CATSPERE: variants seen among roughly 807,000 people sequenced by gnomAD.
CATSPERE encodes the protein cation channel sperm-associated auxiliary subunit epsilon.
CATSPERE carries 93 observed loss-of-function variants against 114.1 expected under a neutral mutation model. That is an observed-to-expected ratio of 0.81 (90% confidence interval 0.69 to 0.97). The LOEUF (loss-of-function observed/expected upper bound fraction) is 0.97, where lower values mean the gene tolerates loss of function less well. Ranked by LOEUF, CATSPERE falls within the 50% of genes least tolerant of loss-of-function variation. The pLI, the probability that CATSPERE is intolerant of heterozygous loss-of-function variation, is 0.00. For synonymous variants in CATSPERE, 341 were observed against 384.1 expected, an observed-to-expected ratio of 0.89 and a Z score of 1.31; for missense variants, 1,058 against 1,131.6, an observed-to-expected ratio of 0.93 and a Z score of 0.93.
upstream of CATSPERE, among the ~76,000 whole-genome samples, chr1:244,453,580 A>G (rs1213344025): frequency 6.6e-6 from 1 of 152,170 alleles, no homozygotes; most frequent in Non-Finnish European, 1.5e-5. Flanking sequence ...ATGGATCCAG[A>G]AGCCTGCCCA....
chr1:244,500,652 T>C (rs190039555), intron 7 of CATSPERE, among the ~76,000 whole-genome samples: 1 of 152,324 alleles, frequency 6.6e-6, no homozygotes, highest in African/African-American at 2.4e-5. Context: ...ATCAGATGGT[T>C]GTAAATGTGT....
At chr1:244,581,073 C>G (rs1666103631) in intron 11 of CATSPERE, among the ~76,000 whole-genome samples, 2 of 151,982 alleles carry the variant, frequency 1.3e-5, no homozygotes, top group South Asian at 4.1e-4. Context: ...ATATGCATCA[C>G]TAAGTAATAT....
intron 11 of CATSPERE, among the ~76,000 whole-genome samples, chr1:244,578,647 C>T (rs954818198): frequency 6.6e-6 from 1 of 151,058 alleles, no homozygotes; most frequent in Non-Finnish European, 1.5e-5. Flanking sequence ...AGACCTCAGT[C>T]TACAGCTATA....
chr1:244,545,458 C>G (rs922541039), intron 8 of CATSPERE, among the ~76,000 whole-genome samples: 4 of 152,214 alleles, frequency 2.6e-5, no homozygotes, highest in Admixed American at 2.6e-4. Flanking sequence ...GCAGACTGCT[C>G]TGCCACTTGG....
Position 244,640,186 on chromosome 1 carries a change from C to CTAG in CATSPERE, c.*106_*107insAGT. 1 of 678,426 alleles carries CTAG rather than the reference C, an allele frequency of 1.5e-6. No individual in the cohort carries two copies. The highest frequency in any genetic ancestry group is 2.2e-6 in the Non-Finnish European group (1 of 452,228). The allele number at this position is 678,426 out of a possible 1,614,324, so 42.0% of individuals were successfully genotyped here. A position where few individuals can be genotyped will look rare whatever the true frequency, so the allele number is the denominator to read the frequency against. ...TTGACCAAGAAATACTAAATATAAG[C>CTAG]TCGTAGTAGGCATCACCAAATTCAA... On this transcript the variant is annotated 3_prime_UTR_variant, in exon 22 of 22. Transcript: ENST00000366534.
chr1:244,559,617 G>C (rs1033294845), intron 9 of CATSPERE, among the ~76,000 whole-genome samples: 1 of 152,144 alleles, frequency 6.6e-6, no homozygotes, highest in Non-Finnish European at 1.5e-5. Flanking sequence ...CCATGAAAGG[G>C]TAGAATTCAT....
At chr1:244,462,926 A>G (rs1425468775) in intron 1 of CATSPERE, among the ~76,000 whole-genome samples, 1 of 152,184 alleles carries the variant, frequency 6.6e-6, no homozygotes, top group Non-Finnish European at 1.5e-5. Context: ...CAATGTAGAC[A>G]TGGAATAGAT....
At chr1:244,617,909 G>A (rs958983584) in intron 20 of CATSPERE, among the ~76,000 whole-genome samples, 1 of 152,006 alleles carries the variant, frequency 6.6e-6, no homozygotes, top group Non-Finnish European at 1.5e-5. Flanking sequence ...GACTTTCCTG[G>A]GTTCAGTTGC....
chr1:244,571,323 TCTTC>T, intron 10 of CATSPERE, among the ~76,000 whole-genome samples: 1 of 152,350 alleles, frequency 6.6e-6, no homozygotes, highest in East Asian at 1.9e-4. Context: ...TGAATTCCCC[TCTTC>T]CTTCCAGCCA....
chr1:244,628,256 A>C (rs917586942), intron 20 of CATSPERE, among the ~76,000 whole-genome samples: 3 of 152,178 alleles, frequency 2.0e-5, no homozygotes, highest in Non-Finnish European at 4.4e-5. Context: ...TCAGGCATCT[A>C]GTGGGGGTCT....
intron 1 of CATSPERE, chr1:244,454,732 C>G (rs1376316268): frequency 6.6e-6 from 1 of 152,418 alleles, no homozygotes; most frequent in Non-Finnish European, 1.5e-5. Flanking sequence ...TGAGACTAGT[C>G]TTAGGCTGTA....
Position 244,561,030 on chromosome 1 carries a change from T to C in CATSPERE, c.1392T>C (p.His464=). ...ALPGLLLWNK[H]SIYYCYHNFT... Reference sequence around the variant, plus strand: ...CAGGATTACTGCTATGGAACAAGCATAGTATCTACTATTGTTACCATAATT... The same window carrying C: ...CAGGATTACTGCTATGGAACAAGCACAGTATCTACTATTGTTACCATAATT... Residue 464 remains histidine (H), a synonymous_variant, in exon 10 of 22, where the codon CAT becomes CAC. Coordinates refer to ENST00000366534, the MANE Select transcript of CATSPERE (RefSeq NM_001130957.2). 2 of 1,612,460 alleles carry C rather than the reference T, an allele frequency of 1.2e-6. No individual in the cohort carries two copies. The highest frequency in any genetic ancestry group is 1.7e-6 in the Non-Finnish European group (2 of 1,178,552).
rs769775193 is a variant in CATSPERE at position 244,519,025 on chromosome 1, T to TAC, written c.536+344_536+345dup. Among the ~76,000 whole-genome samples the TAC allele has an allele frequency of 3.2e-3, 484 of 149,972 alleles. 3 individuals are homozygous for TAC. Among genetic ancestry groups the TAC allele is most frequent in the African/African-American group, 6.1e-3 (250 of 40,994 alleles). ...GGTGTCCAGTGCCCGTACACACACATACACACACACACACACACCACAAAT... is the reference window on the plus strand; with the variant it reads ...GGTGTCCAGTGCCCGTACACACACATACACACACACACACACACACCACAAAT... On this transcript the variant is annotated intron_variant, in intron 8 of 21. Transcript: ENST00000366534.
At chr1:244,601,637 G>C (rs1669227885) in intron 17 of CATSPERE, among the ~76,000 whole-genome samples, 1 of 152,174 alleles carries the variant, frequency 6.6e-6, no homozygotes, top group African/African-American at 2.4e-5. Context: ...ACGAAGAGAA[G>C]GCAAGAGAGA....
Position 244,582,910 on chromosome 1 carries a change from GATATATATATATATATATATATAT to G in CATSPERE, c.2010-910_2010-887del, listed in dbSNP as rs66677443. Among the ~76,000 whole-genome samples, 190 of 142,360 alleles carry G rather than the reference GATATATATATATATATATATATAT, an allele frequency of 1.3e-3. 1 individual carries two copies. The highest frequency in any genetic ancestry group is 4.4e-3 in the East Asian group (21 of 4,766). The allele number at this position is 142,360 out of a possible 152,430, so 93.4% of individuals were successfully genotyped here. ...AAGTGCTATGAAGAAAACAGAATTT[GATATATATATATATATATATATAT>G]ATATATATATATATATATATATATA... On this transcript the variant is annotated intron_variant, in intron 12 of 21. Transcript: ENST00000366534.
chr1:244,529,272 A>T (rs1428485001), intron 8 of CATSPERE, among the ~76,000 whole-genome samples: 3 of 152,128 alleles, frequency 2.0e-5, no homozygotes, highest in Admixed American at 6.6e-5. Flanking sequence ...CATAGTGGTT[A>T]TACTAATTTA....
At position 244,499,007 on chromosome 1, in the gene CATSPERE, C is replaced by G; in HGVS notation, c.357C>G (p.Ile119Met). Residue 119 changes from isoleucine (I) to methionine (M), a missense_variant, in exon 7 of 22, where the codon ATC (isoleucine) becomes ATG (methionine). By Grantham distance (10) the Ile-to-Met change is conservative (BLOSUM62 1). Transcript: ENST00000366534. Reference sequence around the variant, plus strand: ...AAACAAATTTTATTTTCTAGCTTATCACTGTGTGGGCATATGATCCAGAAA... The same window carrying G: ...AAACAAATTTTATTTTCTAGCTTATGACTGTGTGGGCATATGATCCAGAAA... ...RHFFNNFTQL[I>M]TVWAYDPESA... is the part of the protein sequence containing the mutation. 6.2e-7 allele frequency: 1 copy of G among 1,610,412 alleles called. No individual in the cohort carries two copies. The highest frequency in any genetic ancestry group is 8.5e-7 in the Non-Finnish European group (1 of 1,177,318).
rs1377176392 is a variant in CATSPERE at position 244,561,062 on chromosome 1, T to G, written c.1424T>G (p.Phe475Cys). Residue 475 changes from phenylalanine to cysteine, a missense_variant, in exon 10 of 22, where the codon TTT becomes TGT. Transcript: ENST00000366534. ...SIYYCYHNFT[F>C]TGILQTPAGH... The stretch of plus-strand genomic sequence containing the variant: ...TACTATTGTTACCATAATTTCACCT[T>G]TACTGGGATTTTACAGACACCTGCA... The G allele has an allele frequency of 6.2e-7, 1 of 1,612,506 alleles. No individual in the cohort carries two copies. Among genetic ancestry groups the G allele is most frequent in the Non-Finnish European group, 8.5e-7 (1 of 1,178,782 alleles).
At chr1:244,485,099 T>A (rs1351073824) in intron 5 of CATSPERE, among the ~76,000 whole-genome samples, 2 of 152,208 alleles carry the variant, frequency 1.3e-5, no homozygotes, top group African/African-American at 4.8e-5. Flanking sequence ...ATATTTCTTT[T>A]GAGATGTATT....
Sources: gnomAD v4.1 joint callset for allele counts (sites outside exome capture counted in the v4.1 genomes callset) on GRCh38, gnomAD v4.1.1 for gene constraint, MANE v1.5 for transcripts, NCBI Gene and HGNC (gene_info 2026-07-23, HGNC 2026-07-21) for gene names.